LRRC27: variants seen among roughly 807,000 people sequenced by gnomAD.
LRRC27 encodes leucine-rich repeat-containing protein 27.
In LRRC27, 57 loss-of-function variants were observed where a neutral mutation model predicts 55.0. That is an observed-to-expected ratio of 1.04 (90% CI 0.84 to 1.29). LRRC27 has a LOEUF of 1.29. Ranked by LOEUF, LRRC27 falls within the 50% of genes most tolerant of loss-of-function variation. LRRC27 has a pLI of 0.00. For synonymous variants in LRRC27, 278 were observed against 251.9 expected (o/e 1.10, Z -0.98); for missense variants, 721 against 651.5 (o/e 1.11, Z -1.16).
intron 5 of LRRC27, 150 bp downstream of exon 5, chr10:132,344,800 T>G: frequency 1.4e-6 from 1 of 718,820 alleles, no homozygotes; most frequent in Non-Finnish European, 2.2e-6. Context: ...TACACTGATC[T>G]CAGGCCGACC....
At chr10:132,371,953 C>T (rs116670005) in intron 10 of LRRC27, among the ~76,000 whole-genome samples, 6 of 152,224 alleles carry the variant, frequency 3.9e-5, no homozygotes, top group African/African-American at 4.8e-5. Flanking sequence ...CCCTTGTCCT[C>T]GCACATATGG....
rs1345019338 is a variant in LRRC27, at chr10:132,376,828, A to T, written c.*1586A>T. On this transcript the variant is annotated 3_prime_UTR_variant, in exon 11 of 11. Transcript: ENST00000368614. The stretch of plus-strand genomic sequence containing the variant: ...GCTCAGAGCTCCTGTACCCTTACTG[A>T]CTGACTTAAGCCTGGTTTCTCAGTT... The T allele has an allele frequency of 2.0e-5, 3 of 152,272 alleles. No homozygotes were observed. The highest frequency in any genetic ancestry group is 7.2e-5 in the African/African-American group (3 of 41,444). 9.4% of individuals were successfully genotyped at this position (152,272 alleles called of 1,614,324 possible).
At chr10:132,365,614 T>G (rs1472164266) in intron 10 of LRRC27, 64 bp downstream of exon 10, 4 of 1,568,804 alleles carry the variant, frequency 2.5e-6, no homozygotes, top group Admixed American at 3.7e-5. Flanking sequence ...TTGTTTTTGT[T>G]TTTTTGAGAC....
chr10:132,345,465 C>T (rs1339843643), intron 5 of LRRC27, among the ~76,000 whole-genome samples: 1 of 152,234 alleles, frequency 6.6e-6, no homozygotes, highest in Non-Finnish European at 1.5e-5. Flanking sequence ...GATTAAGAGT[C>T]AGCTGTTGGC....
chr10:132,362,494 G>C (rs1460845602), intron 9 of LRRC27, among the ~76,000 whole-genome samples: 5 of 152,228 alleles, frequency 3.3e-5, no homozygotes, highest in Non-Finnish European at 7.3e-5. Flanking sequence ...GCAGAGTCGG[G>C]GCGCAAGGCA....
chr10:132,349,204 G>A, intron 6 of LRRC27: 1 of 654,974 alleles, frequency 1.5e-6, no homozygotes, highest in Non-Finnish European at 2.7e-6. Flanking sequence ...TAGCCGAGGG[G>A]ACAACAATGG....
At chr10:132,341,168 C>T (rs749065007) in intron 3 of LRRC27, among the ~76,000 whole-genome samples, 7 of 151,974 alleles carry the variant, frequency 4.6e-5, no homozygotes, top group Non-Finnish European at 1.0e-4. Flanking sequence ...TGGTGGCACA[C>T]ACCATTAGTC....
chr10:132,366,012 C>T (rs2069062785), intron 10 of LRRC27, among the ~76,000 whole-genome samples: 1 of 152,192 alleles, frequency 6.6e-6, no homozygotes, highest in Non-Finnish European at 1.5e-5. Context: ...TACAGTTGGT[C>T]ACATGAGAAG....
intron 6 of LRRC27, chr10:132,351,067 G>A: frequency 6.3e-6 from 1 of 157,596 alleles, no homozygotes; most frequent in South Asian, 1.9e-4. Context: ...ATCTGACCCT[G>A]CCTGAATGTG....
In LRRC27 at chr10:132,348,146, A is replaced by C; in HGVS notation, c.716A>C (p.Asp239Ala). ...TTTCTCCCACCTGTGGAAAAGCCAGACCTGAGTGAACTCAGGAAGTCTGCG... is the reference window on the plus strand; with the variant it reads ...TTTCTCCCACCTGTGGAAAAGCCAGCCCTGAGTGAACTCAGGAAGTCTGCG... ...ASFLPPVEKP[D>A]LSELRKSADS... Residue 239 changes from aspartate (D) to alanine (A), a missense_variant, in exon 6 of 11, where the codon GAC becomes GCC. Physicochemically the swap from Asp to Ala is moderately radical, Grantham distance 126. Transcript: ENST00000368614. This position sits in a 1 kb window ranked among gnomAD's most constrained non-coding sequence, Gnocchi z 4.2. The C allele has an allele frequency of 1.2e-6, 2 of 1,614,074 alleles. No homozygotes were observed. Among genetic ancestry groups the C allele is most frequent in the Non-Finnish European group, 1.7e-6 (2 of 1,180,030 alleles).
At chr10:132,331,451 C>G, upstream of LRRC27, 2 of 1,611,130 alleles carry the variant, frequency 1.2e-6, no homozygotes, top group Non-Finnish European at 1.7e-6. Flanking sequence ...TTCCTCGCCC[C>G]CCTCACTCCT....
At chr10:132,361,676 A>G (rs2068620990) in intron 9 of LRRC27, 101 bp downstream of exon 9, 1 of 864,472 alleles carries the variant, frequency 1.2e-6, no homozygotes, top group Non-Finnish European at 1.9e-6. Flanking sequence ...AGGAGCCCTG[A>G]AACTCCAGGC....
intron 10 of LRRC27, among the ~76,000 whole-genome samples, chr10:132,373,866 A>C (rs1222776368): frequency 1.3e-5 from 2 of 152,220 alleles, no homozygotes; most frequent in Non-Finnish European, 2.9e-5. Context: ...ATGTAATGAC[A>C]GATGTAGAAA....
intron 8 of LRRC27, among the ~76,000 whole-genome samples, chr10:132,359,170 T>TGAGGTGGTGGAGCGTGGGGAGGAGCC (rs2068493490): frequency 1.5e-5 from 2 of 136,282 alleles, no homozygotes; most frequent in Non-Finnish European, 3.2e-5. Context: ...GGGGAGGTGC[T>TGAGGTGGTGGAGCGTGGGGAGGAGCC]GAGGTGGTGG....
At chr10:132,349,199 G>A (rs1323898605) in intron 6 of LRRC27, 5 of 673,278 alleles carry the variant, frequency 7.4e-6, no homozygotes, top group African/African-American at 5.4e-5. Flanking sequence ...TGTCATAGCC[G>A]AGGGGACAAC....
Position 132,380,245 on chromosome 10 carries a change from G to A in LRRC27, c.*5003G>A, listed in dbSNP as rs1250640660. Among the ~76,000 whole-genome samples the A allele has an allele frequency of 4.0e-5, 6 of 151,638 alleles. No homozygotes were observed. The highest frequency in any genetic ancestry group is 6.6e-5 in the Admixed American group (1 of 15,224). On this transcript the variant is annotated 3_prime_UTR_variant, in exon 11 of 11. Transcript: ENST00000368614. Reference sequence around the variant, plus strand: ...CGGAAGGCAGAGGTTGCAGTGAGCCGAGATCACGCCATTGCACTCCAGCCT... The same window carrying A: ...CGGAAGGCAGAGGTTGCAGTGAGCCAAGATCACGCCATTGCACTCCAGCCT...
chr10:132,351,896 T>A, intron 7 of LRRC27, 143 bp downstream of exon 7: 1 of 1,078,838 alleles, frequency 9.3e-7, no homozygotes, highest in Non-Finnish European at 1.3e-6. Context: ...CGTCTCTTCC[T>A]CACCTGGAAG....
intron 6 of LRRC27, chr10:132,351,320 A>T: frequency 2.8e-6 from 1 of 357,168 alleles, no homozygotes; most frequent in South Asian, 3.2e-5. Context: ...CCGAGGCTGC[A>T]CGTCCTTCAG....
chr10:132,370,731 C>T (rs550681230), intron 10 of LRRC27, among the ~76,000 whole-genome samples: 1 of 152,320 alleles, frequency 6.6e-6, no homozygotes, highest in Non-Finnish European at 1.5e-5. Flanking sequence ...TGAAATTTGC[C>T]TTCTGAGTAC....
Sources: gnomAD v4.1 joint callset for allele counts (sites outside exome capture counted in the v4.1 genomes callset) on GRCh38, gnomAD v4.1.1 for gene constraint, Gnocchi (gnomAD v3.1) non-coding constraint, MANE v1.5 for transcripts, NCBI Gene and HGNC (gene_info 2026-07-23, HGNC 2026-07-21) for gene names.